The following IGSF11 variants were observed in gnomAD, a reference collection of about 807,000 sequenced individuals.
IGSF11 encodes the protein immunoglobulin superfamily member 11, also known as CXADR like 1.
A neutral mutation model predicts 41.0 loss-of-function variants in IGSF11; 22 were observed. The observed-to-expected ratio is 0.54, with a 90% CI of 0.38 to 0.77. The LOEUF (loss-of-function observed/expected upper bound fraction) is 0.77, where lower values mean the gene tolerates loss of function less well. Ranked by LOEUF, IGSF11 falls within the 30% of genes least tolerant of loss-of-function variation. The pLI is 0.00. For synonymous variants in IGSF11, 219 were observed against 201.3 expected, an observed-to-expected ratio of 1.09 and a Z score of -0.74; for missense variants, 444 against 530.8, an observed-to-expected ratio of 0.84 and a Z score of 1.61.
At chr3:119,026,453 A>T (rs1421644788) in intron 1 of IGSF11, among the ~76,000 whole-genome samples, 2 of 152,210 alleles carry the variant, frequency 1.3e-5, no homozygotes, top group African/African-American at 2.4e-5. Flanking sequence ...TACTAACAGT[A>T]GAGTTTTATG....
chr3:119,007,598 T>A (rs1293418642), intron 1 of IGSF11, among the ~76,000 whole-genome samples: 1 of 152,106 alleles, frequency 6.6e-6, no homozygotes, highest in African/African-American at 2.4e-5. Context: ...CCCCCAACCA[T>A]CTCAGAGTAT....
At chr3:119,029,594 G>A (rs905650139) in intron 1 of IGSF11, among the ~76,000 whole-genome samples, 6 of 152,176 alleles carry the variant, frequency 3.9e-5, no homozygotes, top group African/African-American at 7.2e-5. Flanking sequence ...AAAGTGGAAC[G>A]AGAGGACGAC....
chr3:119,007,466 A>G (rs1447401237), intron 1 of IGSF11, among the ~76,000 whole-genome samples: 2 of 151,926 alleles, frequency 1.3e-5, no homozygotes, highest in Non-Finnish European at 2.9e-5. Flanking sequence ...AGCTGTTCCT[A>G]TTCGGCCATC....
In IGSF11 at chr3:119,054,171, T is replaced by C. The variant is rs144540238; in HGVS notation, c.49+50973A>G. ...AAGTCAAAGATAAATAGATGGAACT[T>C]AATTAAACTAAAAAGCTTCTGCACA... is the stretch of plus-strand genomic sequence containing the variant. On this transcript the variant is annotated intron_variant, in intron 1 of 6. Coordinates refer to the IGSF11 transcript ENST00000354673. Among the ~76,000 whole-genome samples the C allele has an allele frequency of 1.4e-3, 216 of 152,196 alleles. 2 individuals carry two copies. The highest frequency in any genetic ancestry group is 4.7e-3 in the African/African-American group (195 of 41,538).
intron 4 of IGSF11, chr3:118,925,897 A>T (rs1163054581): frequency 6.0e-6 from 2 of 336,066 alleles, no homozygotes; most frequent in South Asian, 1.2e-4. Context: ...TTACCACTGG[A>T]TGAAATACAT....
chr3:119,069,950 A>G lies in IGSF11; in HGVS notation c.49+35194T>C, dbSNP rs1056085775. Among the ~76,000 whole-genome samples the G allele has an allele frequency of 8.5e-5, 13 of 152,330 alleles. No homozygotes were observed. The South Asian group carries it at 1.2e-3, about 15-fold the overall frequency. On this transcript the variant is annotated intron_variant, in intron 1 of 6. Transcript: ENST00000354673. ...TGAGACAACCCTGTAAGAAAAAGCA[A>G]TGGGTAGGAGGAAGTAACATCTGTT...
In IGSF11 at chr3:118,913,783, T is replaced by A. The variant is rs57817087; in HGVS notation, c.581-8065A>T. Among the ~76,000 whole-genome samples the A allele has an allele frequency of 8.4e-3, 1,279 of 152,158 alleles. 19 individuals carry two copies. The highest frequency in any genetic ancestry group is 0.028 in the African/African-American group (1,180 of 41,486). On this transcript the variant is annotated intron_variant, in intron 4 of 6. Coordinates refer to ENST00000393775, the MANE Select transcript of IGSF11 (RefSeq NM_001015887.3). ...ACCGTAATGTATACGTAAACGATGA[T>A]GAAAATGGGGATGATTAATAAGGAG...
At chr3:118,966,288 T>C (rs1945669575) in intron 1 of IGSF11, among the ~76,000 whole-genome samples, 1 of 152,198 alleles carries the variant, frequency 6.6e-6, no homozygotes, top group African/African-American at 2.4e-5. Context: ...ATAGGCATTA[T>C]CTCCATTTCA....
intron 1 of IGSF11, among the ~76,000 whole-genome samples, chr3:118,964,977 T>C (rs369163626): frequency 6.6e-6 from 1 of 152,148 alleles, no homozygotes; most frequent in East Asian, 1.9e-4. Flanking sequence ...TTCCACGTAC[T>C]TTATGCACAA....
chr3:119,119,389 A>T (rs1173239479), intron 1 of IGSF11, among the ~76,000 whole-genome samples: 1 of 152,066 alleles, frequency 6.6e-6, no homozygotes, highest in Non-Finnish European at 1.5e-5. Context: ...AAAATCATCA[A>T]ATCTCCTGAG....
At chr3:118,941,939 C>CA (rs1943727348) in intron 1 of IGSF11, among the ~76,000 whole-genome samples, 1 of 151,500 alleles carries the variant, frequency 6.6e-6, no homozygotes, top group African/African-American at 2.4e-5. Context: ...AGGCAGAAAA[C>CA]AAAGCAGCAG....
intron 1 of IGSF11, among the ~76,000 whole-genome samples, chr3:119,144,319 C>T (rs2077689919): frequency 6.6e-6 from 1 of 152,144 alleles, no homozygotes; most frequent in Admixed American, 6.5e-5. Context: ...AGACCTAACG[C>T]ATATGAAGAA....
At chr3:118,946,313 T>C (rs1322631428) in intron 1 of IGSF11, among the ~76,000 whole-genome samples, 3 of 151,964 alleles carry the variant, frequency 2.0e-5, no homozygotes, top group African/African-American at 2.4e-5. Flanking sequence ...AAATTTCATA[T>C]TGCTATGGAA....
At chr3:119,109,506 G>A (rs2077103397), upstream of IGSF11, among the ~76,000 whole-genome samples, 1 of 152,062 alleles carries the variant, frequency 6.6e-6, no homozygotes, top group African/African-American at 2.4e-5. Flanking sequence ...CTTGCTAGTG[G>A]TCTATGAATT....
At chr3:119,099,310 G>A (rs1444828394) in intron 1 of IGSF11, among the ~76,000 whole-genome samples, 1 of 152,254 alleles carries the variant, frequency 6.6e-6, no homozygotes, top group Non-Finnish European at 1.5e-5. Context: ...GGAAAGGGAA[G>A]GTTAGTGTAG....
At chr3:118,998,468 C>T (rs1475867067) in intron 1 of IGSF11, among the ~76,000 whole-genome samples, 2 of 151,166 alleles carry the variant, frequency 1.3e-5, no homozygotes, top group African/African-American at 4.9e-5. Flanking sequence ...ACTTCAAAAT[C>T]CATTGGGGGG....
chr3:118,970,506 T>G (rs1340351694), intron 1 of IGSF11, among the ~76,000 whole-genome samples: 1 of 152,186 alleles, frequency 6.6e-6, no homozygotes, highest in African/African-American at 2.4e-5. Flanking sequence ...TAAAATAAAT[T>G]CATGGTTTCC....
chr3:119,109,923 G>C (rs567816709), upstream of IGSF11, among the ~76,000 whole-genome samples: 4 of 152,104 alleles, frequency 2.6e-5, no homozygotes, highest in East Asian at 1.9e-4. Context: ...TTAATCCTGA[G>C]TTCTAGTTTG....
At chr3:119,004,981 G>T (rs1320199029) in intron 1 of IGSF11, among the ~76,000 whole-genome samples, 5 of 151,096 alleles carry the variant, frequency 3.3e-5, no homozygotes, top group South Asian at 4.2e-4. Flanking sequence ...TATTAGGTGC[G>T]CTTGGTGCAG....
Sources: allele counts gnomAD v4.1 joint callset (sites outside exome capture counted in the v4.1 genomes callset), GRCh38; gene constraint gnomAD v4.1.1; transcripts MANE v1.5; gene names NCBI Gene and HGNC (gene_info 2026-07-23, HGNC 2026-07-21).